The following CDK14 variants were observed in gnomAD, a reference collection of about 807,000 sequenced individuals.
The protein encoded by CDK14 is cyclin dependent kinase 14.
CDK14 carries 34 observed loss-of-function variants against 60.7 expected under a neutral mutation model. That is an observed-to-expected ratio of 0.56 (90% confidence interval 0.43 to 0.75). The LOEUF is 0.75. CDK14 is among the 30% of genes least tolerant of loss of function. The pLI is 0.00. For missense variants in CDK14, 482 were observed against 564.1 expected, an observed-to-expected ratio of 0.85 and a Z score of 1.47; for synonymous variants, 197 against 203.7, an observed-to-expected ratio of 0.97 and a Z score of 0.28.
chr7:91,146,069 A>T (rs1350704276), intron 14 of CDK14, among the ~76,000 whole-genome samples: 2 of 152,204 alleles, frequency 1.3e-5, no homozygotes, highest in African/African-American at 4.8e-5. Flanking sequence ...ATAGACAATG[A>T]TGGTTTAATG....
intron 8 of CDK14, among the ~76,000 whole-genome samples, chr7:90,926,917 G>A (rs1793434485): frequency 6.6e-6 from 1 of 152,036 alleles, no homozygotes; most frequent in Admixed American, 6.5e-5. Context: ...CAGCACTCAG[G>A]AACACATTTG....
chr7:91,054,088 A>ATTTTTTTTTTTT (rs10675646), intron 11 of CDK14, among the ~76,000 whole-genome samples: 7 of 112,938 alleles, frequency 6.2e-5, no homozygotes, highest in South Asian at 2.9e-4. Flanking sequence ...CTGCAAAATA[A>ATTTTTTTTTTTT]TTTTTTTTTT....
At chr7:90,981,298 C>A (rs896624562) in intron 9 of CDK14, among the ~76,000 whole-genome samples, 2 of 152,160 alleles carry the variant, frequency 1.3e-5, no homozygotes, top group African/African-American at 2.4e-5. Flanking sequence ...TAAAATAATT[C>A]TCTTGATACC....
chr7:90,742,787 C>T (rs1467723527), intron 3 of CDK14, among the ~76,000 whole-genome samples: 3 of 151,064 alleles, frequency 2.0e-5, no homozygotes, highest in East Asian at 3.9e-4. Context: ...TTTTTTAAAC[C>T]CATGTTATTA....
chr7:91,175,921 A>C (rs1334759662), intron 14 of CDK14, among the ~76,000 whole-genome samples: 1 of 150,474 alleles, frequency 6.6e-6, no homozygotes, highest in Non-Finnish European at 1.5e-5. Context: ...GTCAACAAGG[A>C]TACCCAGGAA....
intron 11 of CDK14, among the ~76,000 whole-genome samples, chr7:91,071,397 C>T (rs1798140243): frequency 6.6e-6 from 1 of 151,930 alleles, no homozygotes; most frequent in Admixed American, 6.6e-5. Context: ...GAAGGAAGAG[C>T]AGTGTAGTGC....
intron 2 of CDK14, among the ~76,000 whole-genome samples, chr7:90,646,991 C>A (rs914748787): frequency 6.6e-6 from 1 of 152,100 alleles, no homozygotes; most frequent in African/African-American, 2.4e-5. Context: ...GTTTTTCCAC[C>A]TTTACCCTTG....
intron 10 of CDK14, among the ~76,000 whole-genome samples, chr7:91,010,823 TCCTTCCTTCCTC>T (rs1364458806): frequency 1.0e-3 from 76 of 75,464 alleles, no homozygotes; most frequent in African/African-American, 3.5e-3. Context: ...CTTCCTTCCT[TCCTTCCTTCCTC>T]CCTCCCTCCC....
chr7:90,981,257 A>G (rs1206820215), intron 9 of CDK14, among the ~76,000 whole-genome samples: 4 of 152,272 alleles, frequency 2.6e-5, no homozygotes, highest in African/African-American at 9.6e-5. Context: ...CCTAATATTT[A>G]TAAGCACATC....
At chr7:91,120,317 G>A (rs922385017) in intron 14 of CDK14, among the ~76,000 whole-genome samples, 4 of 151,662 alleles carry the variant, frequency 2.6e-5, no homozygotes, top group African/African-American at 9.7e-5. Flanking sequence ...AGTCTCAAAG[G>A]TTGCTAATTG....
intron 14 of CDK14, among the ~76,000 whole-genome samples, chr7:91,156,077 G>A (rs1003215466): frequency 9.9e-5 from 15 of 152,150 alleles, no homozygotes; most frequent in Non-Finnish European, 2.2e-4. Context: ...GGCCTAGCTT[G>A]TTGGCACTCA....
At chr7:90,821,762 C>A (rs1187633604) in intron 5 of CDK14, among the ~76,000 whole-genome samples, 3 of 152,176 alleles carry the variant, frequency 2.0e-5, no homozygotes, top group Non-Finnish European at 4.4e-5. Flanking sequence ...TACTATTAGA[C>A]TTCCGGGGTC....
In CDK14 at chr7:91,020,163, C is replaced by T. The variant is rs1445743229; in HGVS notation, c.1042-25734C>T. 2.0e-5 allele frequency among the ~76,000 whole-genome samples: 3 copies of T among 152,150 alleles called. No individual in the cohort carries two copies. The East Asian group carries it at 5.8e-4, about 29-fold the overall frequency. On this transcript the variant is annotated intron_variant, in intron 10 of 14. Coordinates refer to ENST00000380050, the MANE Select transcript of CDK14 (RefSeq NM_001287135.2). ...TAACTGCCCCCTTTTACTTCCAGCC[C>T]CATTCCATTGACCAATCAAGTCAAA...
chr7:90,820,563 G>A (rs538361660), intron 5 of CDK14, among the ~76,000 whole-genome samples: 2 of 152,244 alleles, frequency 1.3e-5, no homozygotes, highest in East Asian at 3.9e-4. Context: ...CGCCATGACT[G>A]TAAGTTTCCT....
chr7:90,728,581 CA>C (rs1802728446), intron 3 of CDK14, among the ~76,000 whole-genome samples: 1 of 152,050 alleles, frequency 6.6e-6, no homozygotes, highest in African/African-American at 2.4e-5. Flanking sequence ...TCTGAGGATA[CA>C]AAATGTAGCT....
At chr7:90,963,541 A>G (rs1220142338) in intron 9 of CDK14, among the ~76,000 whole-genome samples, 2 of 152,136 alleles carry the variant, frequency 1.3e-5, no homozygotes, top group Non-Finnish European at 1.5e-5. Context: ...TTCTCTGAAC[A>G]TTATCAACCT....
At chr7:91,101,975 G>A (rs1799157869) in intron 12 of CDK14, among the ~76,000 whole-genome samples, 1 of 152,212 alleles carries the variant, frequency 6.6e-6, no homozygotes, top group Middle Eastern at 3.2e-3. Flanking sequence ...TGGATGTGTA[G>A]ACAAGAAGAC....
At chr7:90,966,412 G>A (rs747524437) in intron 9 of CDK14, among the ~76,000 whole-genome samples, 2 of 152,140 alleles carry the variant, frequency 1.3e-5, no homozygotes, top group Non-Finnish European at 2.9e-5. Context: ...CATGCATAGA[G>A]CTAAACTTCT....
At chr7:91,139,081 C>T (rs1046001247) in intron 14 of CDK14, among the ~76,000 whole-genome samples, 2 of 152,182 alleles carry the variant, frequency 1.3e-5, no homozygotes, top group African/African-American at 2.4e-5. Flanking sequence ...CATCCAAATT[C>T]GAGTGCCTCC....
Sources: allele counts gnomAD v4.1 joint callset (sites outside exome capture counted in the v4.1 genomes callset), GRCh38; gene constraint gnomAD v4.1.1; transcripts MANE v1.5; gene names NCBI Gene and HGNC (gene_info 2026-07-23, HGNC 2026-07-21).